FGD4: variants seen among roughly 807,000 people sequenced by gnomAD.
FGD4 encodes the protein FYVE, RhoGEF and PH domain containing 4.
FGD4 carries 42 observed loss-of-function variants against 102.0 expected under a neutral mutation model. The observed-to-expected ratio is 0.41, with a 90% CI of 0.32 to 0.53. FGD4 has a LOEUF of 0.53. Ranked by LOEUF, FGD4 falls within the 20% of genes least tolerant of loss-of-function variation. The pLI, the probability that FGD4 is intolerant of heterozygous loss-of-function variation, is 0.21. For missense variants in FGD4, 902 were observed against 1,078.2 expected (o/e 0.84, Z 2.29); for synonymous variants, 380 against 375.7 (o/e 1.01, Z -0.13).
chr12:32,519,728 A>G (rs1441851920), intron 1 of FGD4, among the ~76,000 whole-genome samples: 1 of 152,236 alleles, frequency 6.6e-6, no homozygotes, highest in African/African-American at 2.4e-5. Context: ...ACTTGAGGTC[A>G]GGAGTTCGAG....
At chr12:32,513,922 C>T (rs1012309690) in intron 1 of FGD4, among the ~76,000 whole-genome samples, 2 of 152,014 alleles carry the variant, frequency 1.3e-5, no homozygotes, top group Admixed American at 1.3e-4. Flanking sequence ...AAATAAATAC[C>T]ATAGAAATCC....
At chr12:32,479,200 T>G (rs1943657274) in intron 1 of FGD4, among the ~76,000 whole-genome samples, 1 of 152,212 alleles carries the variant, frequency 6.6e-6, no homozygotes, top group African/African-American at 2.4e-5. Flanking sequence ...TTCTGAAGGC[T>G]TGGAGTACAT....
chr12:32,558,854 C>G (rs944417323), intron 1 of FGD4, among the ~76,000 whole-genome samples: 1 of 152,190 alleles, frequency 6.6e-6, no homozygotes, highest in African/African-American at 2.4e-5. Flanking sequence ...TACAACCCAG[C>G]AAGCATAGGT....
intron 1 of FGD4, among the ~76,000 whole-genome samples, chr12:32,499,219 A>G (rs1278145262): frequency 6.6e-6 from 1 of 152,256 alleles, no homozygotes; most frequent in Non-Finnish European, 1.5e-5. Flanking sequence ...AAGATAAATT[A>G]TCAGGCTCCT....
chr12:32,410,929 TTC>T (rs558481865), intron 1 of FGD4, among the ~76,000 whole-genome samples: 1 of 141,888 alleles, frequency 7.0e-6, no homozygotes, highest in Non-Finnish European at 1.5e-5. Flanking sequence ...TCTTTTTTTT[TTC>T]TTTTTTTTTT....
rs564292021 is a variant in FGD4 at position 32,638,627 on chromosome 12, A to T, written c.2314-28A>T. On this transcript the variant is annotated intron_variant, in intron 15 of 16. Coordinates refer to ENST00000534526, the MANE Select transcript of FGD4 (RefSeq NM_001370298.3). ...TCTCTATCTGATTTGTTGTGTGTTC[A>T]TTCTGTCTTTCCATTATATTTTTCT... 4 of 1,613,858 alleles carry T rather than the reference A, an allele frequency of 2.5e-6. No homozygotes were observed. The South Asian group carries it at 3.3e-5, about 13-fold the overall frequency.
chr12:32,432,293 C>T (rs1444424985), intron 1 of FGD4, among the ~76,000 whole-genome samples: 2 of 151,508 alleles, frequency 1.3e-5, no homozygotes, highest in Non-Finnish European at 2.9e-5. Flanking sequence ...ATCTCCTGAC[C>T]TCGTGATCCG....
At chr12:32,574,805 C>T (rs956417822) in intron 2 of FGD4, 2 of 152,100 alleles carry the variant, frequency 1.3e-5, no homozygotes, top group Non-Finnish European at 1.5e-5. Context: ...CCAGGGGAAC[C>T]AGCTGGGGGA....
At chr12:32,607,932 T>C in intron 7 of FGD4, 25 bp from the exon 8 acceptor site, 1 of 1,614,118 alleles carries the variant, frequency 6.2e-7, no homozygotes. Context: ...TTTAAATGTT[T>C]CTTAGAAAAC....
chr12:32,435,552 T>G (rs906448466), intron 1 of FGD4, among the ~76,000 whole-genome samples: 22 of 151,150 alleles, frequency 1.5e-4, no homozygotes, highest in Admixed American at 3.3e-4. Context: ...GCCTTTTTTT[T>G]GTGGTTTCCA....
chr12:32,583,297 A>T (rs1252837154), intron 4 of FGD4, among the ~76,000 whole-genome samples: 1 of 152,196 alleles, frequency 6.6e-6, no homozygotes, highest in Non-Finnish European at 1.5e-5. Flanking sequence ...TGATTGTGCC[A>T]CTGCACGCCA....
At chr12:32,595,077 A>C (rs1947781246) in intron 4 of FGD4, among the ~76,000 whole-genome samples, 1 of 151,860 alleles carries the variant, frequency 6.6e-6, no homozygotes, top group Admixed American at 6.6e-5. Context: ...AAGGGCTTAC[A>C]ATGTTGATGC....
intron 1 of FGD4, among the ~76,000 whole-genome samples, chr12:32,404,522 G>A (rs1038537344): frequency 2.8e-4 from 42 of 152,202 alleles, no homozygotes; most frequent in Non-Finnish European, 2.1e-4. Flanking sequence ...GTTTCAGAAA[G>A]TCCTATTGCA....
chr12:32,597,792 A>T (rs1327766812), intron 4 of FGD4, among the ~76,000 whole-genome samples: 2 of 152,260 alleles, frequency 1.3e-5, no homozygotes, highest in African/African-American at 4.8e-5. Context: ...ATGAAACAAG[A>T]TTAACAATGA....
chr12:32,443,593 C>T (rs1481650186), intron 1 of FGD4, among the ~76,000 whole-genome samples: 1 of 140,418 alleles, frequency 7.1e-6, no homozygotes, highest in African/African-American at 2.7e-5. Flanking sequence ...GGCTGGAGTG[C>T]AGTGGTGCGA....
intron 1 of FGD4, among the ~76,000 whole-genome samples, chr12:32,494,810 T>G (rs1937693578): frequency 6.6e-6 from 1 of 152,154 alleles, no homozygotes; most frequent in Non-Finnish European, 1.5e-5. Context: ...ACTGCTGGCC[T>G]TACTGGGAGC....
chr12:32,625,092 T>G, intron 13 of FGD4, 24 bp downstream of exon 13: 1 of 1,567,328 alleles, frequency 6.4e-7, no homozygotes, highest in Non-Finnish European at 8.8e-7. Context: ...AATTCTTAAC[T>G]TCAACCTCTT....
chr12:32,637,038 T>A (rs1264599533), intron 15 of FGD4, among the ~76,000 whole-genome samples: 1 of 119,822 alleles, frequency 8.3e-6, no homozygotes, highest in Non-Finnish European at 1.7e-5. Flanking sequence ...ACCTGGCTAA[T>A]TTTTTTCTTC....
At chr12:32,483,114 G>A (rs1393273560) in intron 1 of FGD4, among the ~76,000 whole-genome samples, 1 of 152,178 alleles carries the variant, frequency 6.6e-6, no homozygotes, top group Non-Finnish European at 1.5e-5. Context: ...TTAGCCACAT[G>A]ATAATTTTTG....
Sources: allele counts gnomAD v4.1 joint callset (sites outside exome capture counted in the v4.1 genomes callset), GRCh38; gene constraint gnomAD v4.1.1; transcripts MANE v1.5; gene names NCBI Gene and HGNC (gene_info 2026-07-23, HGNC 2026-07-21).